Variants in CTNNA2 observed in about 807,000 individuals in gnomAD.
The protein encoded by CTNNA2 is catenin alpha-2.
A neutral mutation model predicts 101.0 loss-of-function variants in CTNNA2; 42 were observed. That is an observed-to-expected ratio of 0.42 (90% CI 0.32 to 0.54). The LOEUF (loss-of-function observed/expected upper bound fraction) is 0.54, where lower values mean the gene tolerates loss of function less well. Ranked by LOEUF, CTNNA2 falls within the 20% of genes least tolerant of loss-of-function variation. The pLI is 0.14. For synonymous variants in CTNNA2, 450 were observed against 456.4 expected, an observed-to-expected ratio of 0.99 and a Z score of 0.18; for missense variants, 871 against 1,223.1, an observed-to-expected ratio of 0.71 and a Z score of 4.29.
intron 3 of CTNNA2, among the ~76,000 whole-genome samples, chr2:79,346,129 G>T (rs1477338188): frequency 1.3e-5 from 2 of 152,106 alleles, no homozygotes; most frequent in Non-Finnish European, 2.9e-5. Context: ...AGTGACAGTA[G>T]ACTGTCTAGA....
At chr2:79,816,135 C>T (rs967117542) in intron 3 of CTNNA2, among the ~76,000 whole-genome samples, 6 of 152,000 alleles carry the variant, frequency 3.9e-5, no homozygotes, top group Non-Finnish European at 7.4e-5. Context: ...TTGTTTTTAT[C>T]AGTTCTAGGA....
chr2:80,252,719 A>G (rs1445732136), intron 7 of CTNNA2, among the ~76,000 whole-genome samples: 1 of 152,152 alleles, frequency 6.6e-6, no homozygotes, highest in African/African-American at 2.4e-5. Context: ...GCTTTTTACC[A>G]TGACTAGTGG....
chr2:80,325,626 G>A (rs536337877), intron 7 of CTNNA2, among the ~76,000 whole-genome samples: 3 of 152,260 alleles, frequency 2.0e-5, no homozygotes, highest in Non-Finnish European at 2.9e-5. Context: ...TGAGAAGGGG[G>A]AAAACATTTT....
chr2:79,967,547 C>T (rs1428117704), intron 7 of CTNNA2, among the ~76,000 whole-genome samples: 1 of 152,174 alleles, frequency 6.6e-6, no homozygotes, highest in South Asian at 2.1e-4. Context: ...TGAAAACATC[C>T]CATTTTTCTG....
At chr2:80,114,709 A>T (rs1349184515) in intron 7 of CTNNA2, among the ~76,000 whole-genome samples, 1 of 152,228 alleles carries the variant, frequency 6.6e-6, no homozygotes, top group Non-Finnish European at 1.5e-5. Flanking sequence ...GACTTTCCAC[A>T]GAATTGCATT....
intron 7 of CTNNA2, among the ~76,000 whole-genome samples, chr2:79,976,177 T>C (rs1690826409): frequency 6.6e-6 from 1 of 152,074 alleles, no homozygotes; most frequent in South Asian, 2.1e-4. Context: ...AAGAGGAAAA[T>C]TTTATAAGCT....
chr2:80,603,368 G>A lies in CTNNA2; in HGVS notation c.2190-706G>A, dbSNP rs571261068. On this transcript the variant is annotated intron_variant, in intron 15 of 18. Coordinates refer to ENST00000402739, the MANE Select transcript of CTNNA2 (RefSeq NM_001282597.3). The stretch of plus-strand genomic sequence containing the variant: ...CCTTATATGAAAATATTAGGGTGAT[G>A]GTTTGGAAGCACAAAAACATTTACT... Among the ~76,000 whole-genome samples the A allele has an allele frequency of 1.6e-4, 24 of 152,122 alleles. No individual in the cohort carries two copies. In the South Asian group the frequency reaches 5.0e-3, roughly 32 times the overall value.
intron 7 of CTNNA2, among the ~76,000 whole-genome samples, chr2:80,338,750 G>C (rs1484382263): frequency 6.6e-6 from 1 of 152,110 alleles, no homozygotes; most frequent in Non-Finnish European, 1.5e-5. Context: ...AAAGTGAATG[G>C]TGCCAACTTA....
intron 1 of CTNNA2, among the ~76,000 whole-genome samples, chr2:79,635,990 G>A (rs1483191658): frequency 3.3e-5 from 5 of 150,856 alleles, no homozygotes; most frequent in African/African-American, 7.3e-5. Flanking sequence ...GGCCGGGTGC[G>A]GTGGCTCACG....
intron 4 of CTNNA2, among the ~76,000 whole-genome samples, chr2:79,389,725 A>G (rs1225274405): frequency 6.6e-6 from 1 of 152,160 alleles, no homozygotes; most frequent in Admixed American, 6.6e-5. Flanking sequence ...ATCAAAGAAA[A>G]AGTGGCATAG....
chr2:79,488,877 T>C (rs1276666257), intron 4 of CTNNA2, among the ~76,000 whole-genome samples: 1 of 152,222 alleles, frequency 6.6e-6, no homozygotes, highest in Non-Finnish European at 1.5e-5. Context: ...ATTCTAGCTC[T>C]TAACAATTGT....
At chr2:80,093,861 T>A (rs1213354279) in intron 7 of CTNNA2, among the ~76,000 whole-genome samples, 1 of 152,170 alleles carries the variant, frequency 6.6e-6, no homozygotes, top group East Asian at 1.9e-4. Flanking sequence ...TGTTTGTTTT[T>A]TTCTTGTAAA....
At chr2:79,344,886 T>A (rs1371458950) in intron 3 of CTNNA2, among the ~76,000 whole-genome samples, 1 of 146,538 alleles carries the variant, frequency 6.8e-6, no homozygotes, top group Admixed American at 6.9e-5. Context: ...ATATAATATA[T>A]ATATAAAGTC....
At chr2:79,645,439 A>G (rs1257461515) in intron 1 of CTNNA2, among the ~76,000 whole-genome samples, 1 of 152,228 alleles carries the variant, frequency 6.6e-6, no homozygotes, top group Non-Finnish European at 1.5e-5. Flanking sequence ...ACTCAGTACT[A>G]ATAATACCTG....
intron 7 of CTNNA2, among the ~76,000 whole-genome samples, chr2:80,268,150 C>G (rs1310154347): frequency 6.6e-6 from 1 of 152,210 alleles, no homozygotes. Flanking sequence ...AAAGGTTGTG[C>G]TCATGCCAGA....
chr2:80,011,951 G>T (rs908238586), intron 7 of CTNNA2, among the ~76,000 whole-genome samples: 2 of 152,078 alleles, frequency 1.3e-5, no homozygotes, highest in African/African-American at 4.8e-5. Flanking sequence ...AGAGGATGGG[G>T]GCACTTCAGT....
intron 2 of CTNNA2, among the ~76,000 whole-genome samples, chr2:79,237,054 A>G (rs979608239): frequency 2.6e-5 from 4 of 152,242 alleles, no homozygotes; most frequent in Admixed American, 2.0e-4. Context: ...CTTTCAATTT[A>G]GTTTGCCTAG....
intron 7 of CTNNA2, among the ~76,000 whole-genome samples, chr2:80,319,308 T>C (rs1319731084): frequency 6.7e-6 from 1 of 148,680 alleles, no homozygotes; most frequent in African/African-American, 2.6e-5. Context: ...TACCAACCAG[T>C]TTTTTTTTGT....
intron 7 of CTNNA2, among the ~76,000 whole-genome samples, chr2:79,994,234 T>C (rs1020644281): frequency 6.6e-6 from 1 of 152,144 alleles, no homozygotes; most frequent in Non-Finnish European, 1.5e-5. Flanking sequence ...TTTATTATGG[T>C]TTAAAAGCAC....
Sources: allele counts gnomAD v4.1 joint callset (sites outside exome capture counted in the v4.1 genomes callset), GRCh38; gene constraint gnomAD v4.1.1; transcripts MANE v1.5; gene names NCBI Gene and HGNC (gene_info 2026-07-23, HGNC 2026-07-21).